Variants in CA10 observed in about 807,000 individuals in gnomAD.
CA10 encodes carbonic anhydrase 10 (inactive), also known as carbonic anhydrase-related protein 10.
CA10 carries 14 observed loss-of-function variants against 44.2 expected under a neutral mutation model. The observed-to-expected ratio is 0.32, with a 90% CI of 0.21 to 0.50. CA10 has a LOEUF of 0.50. CA10 is among the 20% of genes least tolerant of loss of function. The probability of loss-of-function intolerance (pLI) is 0.99; values close to 1 mark genes in which losing one functional copy is unlikely to be tolerated. For missense variants in CA10, 350 were observed against 409.7 expected (o/e 0.85, Z 1.26); for synonymous variants, 159 against 141.6 (o/e 1.12, Z -0.87).
At chr17:52,051,961 A>C (rs371595472) in intron 2 of CA10, among the ~76,000 whole-genome samples, 2 of 152,136 alleles carry the variant, frequency 1.3e-5, no homozygotes, top group East Asian at 1.9e-4. Context: ...AAAAAGAACA[A>C]GATCACGTCC....
chr17:51,641,946 A>G (rs1378121887), intron 6 of CA10, among the ~76,000 whole-genome samples: 1 of 152,214 alleles, frequency 6.6e-6, no homozygotes, highest in Non-Finnish European at 1.5e-5. Flanking sequence ...GTAGTTTCAG[A>G]GATCAATACT....
intron 3 of CA10, among the ~76,000 whole-genome samples, chr17:51,813,530 C>A (rs1032068046): frequency 6.6e-6 from 1 of 152,208 alleles, no homozygotes; most frequent in Admixed American, 6.5e-5. Context: ...AACTCACTCT[C>A]AGGTGACCCT....
rs536764125 is a variant in CA10, at chr17:51,911,567, G to A, written c.279+19423C>T. On this transcript the variant is annotated intron_variant, in intron 3 of 8. Transcript: ENST00000451037. Reference sequence around the variant, plus strand: ...ATGAAACACTGAGTTGAGACTGCTGGTTGGAATGATACAAAAAGGACAATC... The same window carrying A: ...ATGAAACACTGAGTTGAGACTGCTGATTGGAATGATACAAAAAGGACAATC... 7.9e-5 allele frequency among the ~76,000 whole-genome samples: 12 copies of A among 152,242 alleles called. No homozygotes were observed. The South Asian group carries it at 2.1e-3, about 26-fold the overall frequency.
At chr17:51,800,430 ACT>A (rs777814889) in intron 3 of CA10, among the ~76,000 whole-genome samples, 38 of 152,262 alleles carry the variant, frequency 2.5e-4, no homozygotes, top group Middle Eastern at 3.4e-3. Context: ...TGGTTGCACA[ACT>A]CTGTGGATGT....
intron 5 of CA10, among the ~76,000 whole-genome samples, chr17:51,651,933 G>A (rs960387850): frequency 6.6e-6 from 1 of 152,212 alleles, no homozygotes; most frequent in African/African-American, 2.4e-5. Flanking sequence ...TAGGTTGAAT[G>A]TACAAATTGG....
chr17:52,035,713 G>C (rs190491636), intron 2 of CA10, among the ~76,000 whole-genome samples: 2 of 152,178 alleles, frequency 1.3e-5, no homozygotes, highest in African/African-American at 4.8e-5. Context: ...TGCTGGTGCC[G>C]ATGTGTCTAG....
intron 2 of CA10, among the ~76,000 whole-genome samples, chr17:51,941,262 GCTTT>G (rs765408156): frequency 1.3e-4 from 20 of 152,188 alleles, no homozygotes; most frequent in Non-Finnish European, 2.5e-4. Flanking sequence ...TCAATATTTT[GCTTT>G]CTGAGAATTA....
At chr17:51,727,583 CCTT>C (rs1445858166) in intron 4 of CA10, among the ~76,000 whole-genome samples, 3 of 152,096 alleles carry the variant, frequency 2.0e-5, no homozygotes, top group Non-Finnish European at 4.4e-5. Flanking sequence ...AGTGGGCAGT[CCTT>C]CTCCTATTCT....
rs144029803 is a variant in CA10 at position 51,930,196 on chromosome 17, AT to A, written c.279+793del. Among the ~76,000 whole-genome samples, 1,133 of 148,556 alleles carry A rather than the reference AT, an allele frequency of 7.6e-3. 12 individuals carry two copies. The highest frequency in any genetic ancestry group is 0.027 in the African/African-American group (1,081 of 40,250). ...AAAGTTGTCAATAATTTTAACCTCA[AT>A]TTTTTGCACACAAATTATTTTCCAT... On this transcript the variant is annotated intron_variant, in intron 3 of 8. Transcript: ENST00000451037.
intron 1 of CA10, among the ~76,000 whole-genome samples, chr17:52,087,732 A>G (rs969962705): frequency 1.3e-5 from 2 of 152,206 alleles, no homozygotes; most frequent in African/African-American, 2.4e-5. Flanking sequence ...TAAATATGAA[A>G]CAGCATGTTC....
chr17:51,680,479 C>G lies in CA10; in HGVS notation c.466-26743G>C, dbSNP rs1218855829. Among the ~76,000 whole-genome samples the G allele has an allele frequency of 2.0e-5, 3 of 152,112 alleles. No homozygotes were observed. The East Asian group carries it at 5.8e-4, about 29-fold the overall frequency. Reference sequence around the variant, plus strand: ...GGTGGACTACATGTGTATCCGTGAGCAATAATGAAGGCCAGGTATAACAGT... The same window carrying G: ...GGTGGACTACATGTGTATCCGTGAGGAATAATGAAGGCCAGGTATAACAGT... On this transcript the variant is annotated intron_variant, in intron 4 of 8. Coordinates refer to ENST00000451037, the MANE Select transcript of CA10 (RefSeq NM_020178.5).
At chr17:52,014,945 CAATAT>C (rs1985921815) in intron 2 of CA10, among the ~76,000 whole-genome samples, 1 of 151,936 alleles carries the variant, frequency 6.6e-6, no homozygotes, top group African/African-American at 2.4e-5. Context: ...TACATTTATA[CAATAT>C]AATCCTTAAG....
intron 3 of CA10, among the ~76,000 whole-genome samples, chr17:51,915,976 A>AC (rs1981980203): frequency 6.6e-6 from 1 of 152,108 alleles, no homozygotes; most frequent in Non-Finnish European, 1.5e-5. Context: ...TAAAAAAAAA[A>AC]AAACCTTACC....
intron 3 of CA10, among the ~76,000 whole-genome samples, chr17:51,816,362 T>C (rs1480868955): frequency 6.6e-6 from 1 of 152,222 alleles, no homozygotes; most frequent in Non-Finnish European, 1.5e-5. Context: ...TTGTGAACAG[T>C]GCTGCAATAG....
At chr17:52,063,499 T>TG (rs1987448255) in intron 2 of CA10, among the ~76,000 whole-genome samples, 1 of 152,196 alleles carries the variant, frequency 6.6e-6, no homozygotes, top group Non-Finnish European at 1.5e-5. Flanking sequence ...GAGAGGTGTT[T>TG]GGGTCATAGA....
At chr17:51,851,721 T>A (rs1027900051) in intron 3 of CA10, among the ~76,000 whole-genome samples, 1 of 152,188 alleles carries the variant, frequency 6.6e-6, no homozygotes, top group East Asian at 1.9e-4. Context: ...ACATGGTCCT[T>A]GATAAATATT....
At chr17:51,647,035 G>C (rs995336216) in intron 6 of CA10, among the ~76,000 whole-genome samples, 7 of 152,190 alleles carry the variant, frequency 4.6e-5, no homozygotes, top group Middle Eastern at 3.4e-3. Flanking sequence ...CCTGGGCCCT[G>C]AGAGGTGTAG....
chr17:51,961,734 T>C (rs1449662463), intron 2 of CA10, among the ~76,000 whole-genome samples: 1 of 152,166 alleles, frequency 6.6e-6, no homozygotes, highest in East Asian at 1.9e-4. Context: ...AGATAAAAAC[T>C]ACCAAAACTG....
chr17:51,925,478 C>A (rs565292636), intron 3 of CA10, among the ~76,000 whole-genome samples: 2 of 151,068 alleles, frequency 1.3e-5, no homozygotes, highest in African/African-American at 4.9e-5. Flanking sequence ...GATTGGAATC[C>A]TTGTGTGTTG....
Sources: allele counts gnomAD v4.1 joint callset (sites outside exome capture counted in the v4.1 genomes callset), GRCh38; gene constraint gnomAD v4.1.1; transcripts MANE v1.5; gene names NCBI Gene and HGNC (gene_info 2026-07-23, HGNC 2026-07-21).